Variants in LAMA5 observed in about 807,000 individuals in gnomAD.
LAMA5 encodes laminin subunit alpha-5.
In LAMA5, 260 loss-of-function variants were observed where a neutral mutation model predicts 433.4. The observed-to-expected ratio is 0.60, with a 90% confidence interval of 0.54 to 0.66. The LOEUF is 0.66. Ranked by LOEUF, LAMA5 falls within the 30% of genes least tolerant of loss-of-function variation. The pLI is 0.00. For missense variants in LAMA5, 5,378 were observed against 5,258.5 expected (o/e 1.02, Z -0.70); for synonymous variants, 2,620 against 2,226.6 (o/e 1.18, Z -4.97).
chr20:62,322,543 C>T (rs895582278), intron 46 of LAMA5, 94 bp from the exon 47 acceptor site: 4 of 1,449,642 alleles, frequency 2.8e-6, no homozygotes, highest in Non-Finnish European at 3.7e-6. Flanking sequence ...GCCCCACCCC[C>T]TGAGGCTCTG....
At position 62,310,441 on chromosome 20, in the gene LAMA5, G is replaced by T; in HGVS notation, c.10578C>A (p.Gly3526=). 1 of 1,604,726 alleles carries T rather than the reference G, an allele frequency of 6.2e-7. No homozygotes were observed. The highest frequency in any genetic ancestry group is 1.1e-5 in the South Asian group (1 of 89,922). The change falls in exon 76 of 80, where the codon GGC becomes GGA. Residue 3526 remains glycine, a synonymous_variant. Coordinates refer to ENST00000252999, the MANE Select transcript of LAMA5 (RefSeq NM_005560.6). ...GACCTAAAGTGATAACTCCCCCGCT[G>T]CCTGGGAAGAACAGGCCCGCCTCCA... ...GPLEAGLFFP[G]SGGVITLDLP... is the part of the protein sequence containing the mutation.
intron 2 of LAMA5, among the ~76,000 whole-genome samples, chr20:62,357,993 CCAAA>C (rs1985489948): frequency 6.6e-6 from 1 of 152,224 alleles, no homozygotes; most frequent in African/African-American, 2.4e-5. Flanking sequence ...GGCCTGAAAC[CCAAA>C]CAGTTTCGTC....
Position 62,319,743 on chromosome 20 carries a change from G to A in LAMA5, c.6812C>T (p.Thr2271Ile). The A allele has an allele frequency of 6.5e-7, 1 of 1,549,238 alleles. No homozygotes were observed. The highest frequency in any genetic ancestry group is 8.7e-7 in the Non-Finnish European group (1 of 1,147,528). ...CAACAGCGTCTTCGCATGGCCCAGT[G>A]TGGCCTCGGTGCCGGCCAGCAATTG... ...ASQLLAGTEA[T>I]LGHAKTLLAA... The change falls in exon 51 of 80, where the codon ACA (threonine) becomes ATA (isoleucine). Residue 2271 changes from threonine (T) to isoleucine (I), a missense_variant. By Grantham distance (89) the Thr-to-Ile change is moderately conservative. Coordinates refer to ENST00000252999, the MANE Select transcript of LAMA5 (RefSeq NM_005560.6).
intron 1 of LAMA5, among the ~76,000 whole-genome samples, chr20:62,366,735 C>T (rs974005458): frequency 2.0e-5 from 3 of 152,232 alleles, no homozygotes; most frequent in Admixed American, 6.5e-5. Context: ...GGGTCCATGC[C>T]GGGGACTTTA....
Position 62,326,774 on chromosome 20 carries a change from T to TGGGG in LAMA5, c.5215-18_5215-15dup. Reference sequence around the variant, plus strand: ...CATCTGGTTGCCCTGGGAAGGCACATGGGGAGGTGAGGGTTGGCACGGGCC... The same window carrying TGGGG: ...CATCTGGTTGCCCTGGGAAGGCACATGGGGGGGGAGGTGAGGGTTGGCACGGGCC... On this transcript the variant is annotated splice_polypyrimidine_tract_variant and intron_variant, in intron 39 of 79. Coordinates refer to ENST00000252999, the MANE Select transcript of LAMA5 (RefSeq NM_005560.6). 2.5e-6 allele frequency: 4 copies of TGGGG among 1,612,494 alleles called. No homozygotes were observed.
intron 16 of LAMA5, chr20:62,337,066 G>A (rs1981763942): frequency 1.6e-6 from 1 of 642,740 alleles, no homozygotes; most frequent in East Asian, 3.1e-5. Flanking sequence ...ACACACGTCT[G>A]AACAAGCACA....
At chr20:62,319,859 G>C in intron 50 of LAMA5, 64 bp from the exon 51 acceptor site, 1 of 1,344,880 alleles carries the variant, frequency 7.4e-7, no homozygotes, top group Non-Finnish European at 1.0e-6. Context: ...GCAAGGGAGG[G>C]CCTGGGGTCT....
At position 62,351,776 on chromosome 20, in the gene LAMA5, C is replaced by T. The variant is rs151084334; in HGVS notation, c.884G>A (p.Ser295Asn). The change falls in exon 6 of 80, where the codon AGC becomes AAC. Residue 295 changes from serine (S) to asparagine (N), a missense_variant. Physicochemically the swap from Ser to Asn is conservative, Grantham distance 46 (BLOSUM62 1). Coordinates refer to ENST00000252999, the MANE Select transcript of LAMA5 (RefSeq NM_005560.6). ...GTGGCAGACACAGCGGCCTCCGATG[C>T]TGATATCCTTGATGCTGTAATAATA... ...RRYYYSIKDI[S>N]IGGRCVCHGH... 1.2e-6 allele frequency: 2 copies of T among 1,610,410 alleles called. No homozygotes were observed. The highest frequency in any genetic ancestry group is 8.5e-7 in the Non-Finnish European group (1 of 1,179,368).
chr20:62,329,806 G>T lies in LAMA5; in HGVS notation c.4090C>A (p.Arg1364Ser), dbSNP rs762846297. ...VTHSELTVTV[R>S]VPKGRWLWLD... ...CAGAGCCACCGGCCCTTGGGCACAC[G>T]CACGGTCACAGTGAGCTCGCTGTGG... Residue 1364 changes from arginine to serine, a missense_variant, in exon 32 of 80, where the codon CGT becomes AGT. Arg to Ser is a moderately radical substitution (Grantham distance 110). Transcript: ENST00000252999. The T allele has an allele frequency of 7.4e-6, 12 of 1,612,312 alleles. No individual in the cohort carries two copies. Among genetic ancestry groups the T allele is most frequent in the Non-Finnish European group, 1.0e-5 (12 of 1,179,776 alleles).
chr20:62,343,280 A>G (rs1387819089), intron 11 of LAMA5, among the ~76,000 whole-genome samples: 2 of 152,178 alleles, frequency 1.3e-5, no homozygotes, highest in East Asian at 3.8e-4. Flanking sequence ...ACATTTCCAC[A>G]TAAAAAAACC....
Position 62,312,915 on chromosome 20 carries a change from T to A in LAMA5, c.9051A>T (p.Pro3017=). The A allele has an allele frequency of 6.3e-7, 1 of 1,583,412 alleles. No individual in the cohort carries two copies. The highest frequency in any genetic ancestry group is 1.3e-5 in the African/African-American group (1 of 74,508). The change falls in exon 66 of 80, where the codon CCA becomes CCT. Residue 3017 remains proline, a synonymous_variant. Transcript: ENST00000252999. ...CCTTGCTGGCCGAGGTCAGGGGCGG[T>A]GGGGGCTGCAGTGGGACGGCCTTTT... is the stretch of plus-strand genomic sequence containing the variant. The part of the protein sequence containing the change: ...GLKKAVPLQP[P]PPLTSASKAI...
intron 32 of LAMA5, 105 bp from the exon 33 acceptor site, chr20:62,329,358 GGCAGCA>G (rs1310108938): frequency 1.2e-6 from 1 of 818,880 alleles, no homozygotes; most frequent in Non-Finnish European, 1.9e-6. Flanking sequence ...TCAGAGTCCT[GGCAGCA>G]GCAGCCCAGC....
At chr20:62,348,028 C>G (rs1052365938) in intron 6 of LAMA5, among the ~76,000 whole-genome samples, 2 of 152,220 alleles carry the variant, frequency 1.3e-5, no homozygotes, top group East Asian at 3.8e-4. Context: ...CCCCAAGTAC[C>G]TATAAGCAAG....
intron 2 of LAMA5, among the ~76,000 whole-genome samples, chr20:62,354,029 C>T (rs560019572): frequency 3.3e-5 from 5 of 152,266 alleles, no homozygotes; most frequent in Admixed American, 3.3e-4. Flanking sequence ...AAAGCTGCTC[C>T]TTCCCAGGCC....
At chr20:62,365,698 G>T (rs1051896134) in intron 1 of LAMA5, among the ~76,000 whole-genome samples, 4 of 152,176 alleles carry the variant, frequency 2.6e-5, no homozygotes, top group South Asian at 2.1e-4. Flanking sequence ...AGGCACCCAG[G>T]TTCCCACAGC....
chr20:62,330,536 G>T lies in LAMA5; in HGVS notation c.3931C>A (p.Pro1311Thr). 1 of 1,580,792 alleles carries T rather than the reference G, an allele frequency of 6.3e-7. No homozygotes were observed. The highest frequency in any genetic ancestry group is 8.6e-7 in the Non-Finnish European group (1 of 1,164,542). ...FLLHGYQPAHPTFPVEVLINA... is the reference protein window; with the variant it reads ...FLLHGYQPAHTTFPVEVLINA... The stretch of plus-strand genomic sequence containing the variant: ...ATGAGGACTTCCACGGGGAAGGTGG[G>T]GTGGGCTGGCTGGTAGCCGTGCAGC... The change falls in exon 31 of 80, where the codon CCC (proline) becomes ACC (threonine). Residue 1311 changes from proline to threonine, a missense_variant. By Grantham distance (38) the Pro-to-Thr change is conservative. Transcript: ENST00000252999.
At chr20:62,314,283 C>T (rs1160292192) in intron 62 of LAMA5, 21 bp downstream of exon 62, 5 of 1,610,228 alleles carry the variant, frequency 3.1e-6, no homozygotes, top group South Asian at 2.2e-5. Flanking sequence ...AGGCATCCGG[C>T]CTCTCTCCTG....
rs771365096 is a variant in LAMA5, at chr20:62,337,642, C to T, written c.2112G>A (p.Gly704=). Residue 704 remains glycine, a synonymous_variant, in exon 16 of 80, where the codon GGG becomes GGA. Coordinates refer to ENST00000252999, the MANE Select transcript of LAMA5 (RefSeq NM_005560.6). ...GQCSCRPRVT[G]LRCDTCVPGA... ...CGGGCACACATGTGTCACACCGCAG[C>T]CCCGTCACACGGGGCCGGCAGCTGC... 6.2e-6 allele frequency: 10 copies of T among 1,612,150 alleles called. No individual in the cohort carries two copies. Among genetic ancestry groups the T allele is most frequent in the South Asian group, 1.1e-5 (1 of 91,060 alleles).
At chr20:62,318,384 G>T (rs552390011) in intron 53 of LAMA5, 70 bp downstream of exon 53, 1 of 1,212,314 alleles carries the variant, frequency 8.2e-7, no homozygotes, top group Non-Finnish European at 1.2e-6. Flanking sequence ...GGGAGGAGCC[G>T]GAGAGGAGAG....
Sources: allele counts gnomAD v4.1 joint callset (sites outside exome capture counted in the v4.1 genomes callset), GRCh38; gene constraint gnomAD v4.1.1; transcripts MANE v1.5; gene names NCBI Gene and HGNC (gene_info 2026-07-23, HGNC 2026-07-21).